CACNA1E: variants seen among roughly 807,000 people sequenced by gnomAD.
CACNA1E encodes voltage-dependent R-type calcium channel subunit alpha-1E.
Under a neutral mutation model 259.2 loss-of-function variants are expected in CACNA1E, and 40 were observed. The observed-to-expected ratio is 0.15, with a 90% CI of 0.12 to 0.20. CACNA1E has a LOEUF of 0.20. Ranked by LOEUF, CACNA1E falls within the 10% of genes least tolerant of loss-of-function variation. CACNA1E has a pLI of 1.00. For synonymous variants in CACNA1E, 1,104 were observed against 1,138.5 expected (o/e 0.97, Z 0.61); for missense variants, 1,874 against 3,040.1 (o/e 0.62, Z 9.02).
At chr1:181,774,681 T>G (rs1659817597) in intron 37 of CACNA1E, among the ~76,000 whole-genome samples, 1 of 152,220 alleles carries the variant, frequency 6.6e-6, no homozygotes, top group African/African-American at 2.4e-5. Flanking sequence ...GTCTGGCTGT[T>G]AGGTATGACC....
chr1:181,743,676 T>A (rs1315335179), intron 25 of CACNA1E, among the ~76,000 whole-genome samples: 2 of 152,168 alleles, frequency 1.3e-5, no homozygotes, highest in Non-Finnish European at 2.9e-5. Context: ...AGGACACCTG[T>A]GCGTGTGTGT....
At chr1:181,781,371 C>A (rs1224334300) in intron 38 of CACNA1E, 56 bp from the exon 39 acceptor site, 1 of 794,892 alleles carries the variant, frequency 1.3e-6, no homozygotes, top group East Asian at 2.7e-5. Context: ...CCTTTCCCTG[C>A]CACCCCACTG....
At chr1:181,481,370 A>ACT (rs71297870), upstream of CACNA1E, among the ~76,000 whole-genome samples, 19 of 146,812 alleles carry the variant, frequency 1.3e-4, no homozygotes, top group East Asian at 5.9e-4. Context: ...ACACACACAC[A>ACT]CTCTCACATA....
intron 3 of CACNA1E, among the ~76,000 whole-genome samples, chr1:181,543,211 A>G (rs1668729710): frequency 6.6e-6 from 1 of 152,146 alleles, no homozygotes; most frequent in Admixed American, 6.5e-5. Context: ...GTAGGGCTTG[A>G]AAATTTGCAT....
chr1:181,736,233 T>A (rs375103272), intron 21 of CACNA1E, 42 bp from the exon 22 acceptor site: 3 of 1,545,120 alleles, frequency 1.9e-6, no homozygotes, highest in South Asian at 2.4e-5. Flanking sequence ...CATTTTCACA[T>A]GCCTCATGAT....
At chr1:181,748,860 G>A (rs906610549) in intron 25 of CACNA1E, among the ~76,000 whole-genome samples, 1 of 152,304 alleles carries the variant, frequency 6.6e-6, no homozygotes, top group Admixed American at 6.5e-5. Flanking sequence ...CCAGTATGCA[G>A]AACAGTGCCT....
At chr1:181,770,831 T>G (rs1659438684) in intron 35 of CACNA1E, among the ~76,000 whole-genome samples, 1 of 152,184 alleles carries the variant, frequency 6.6e-6, no homozygotes, top group African/African-American at 2.4e-5. Flanking sequence ...GGGTGGCATC[T>G]GCCCAAGCCA....
chr1:181,767,581 C>T (rs1160479124), intron 35 of CACNA1E, among the ~76,000 whole-genome samples: 1 of 152,206 alleles, frequency 6.6e-6, no homozygotes, highest in African/African-American at 2.4e-5. Flanking sequence ...GTGTCTGCAG[C>T]CTTTTCCAGA....
intron 1 of CACNA1E, among the ~76,000 whole-genome samples, chr1:181,355,194 A>G (rs1653330934): frequency 6.6e-6 from 1 of 152,176 alleles, no homozygotes; most frequent in Non-Finnish European, 1.5e-5. Flanking sequence ...GGGAGACCCA[A>G]AGCAAACTCT....
chr1:181,632,406 G>T (rs931773258), intron 6 of CACNA1E, among the ~76,000 whole-genome samples: 11 of 152,330 alleles, frequency 7.2e-5, no homozygotes, highest in African/African-American at 2.4e-4. Context: ...AAGGCATGGG[G>T]TGGGAGCAGG....
rs762359465 is a variant in CACNA1E, at chr1:181,794,987, C to T, written c.6151C>T (p.Arg2051Cys). The change falls in exon 46 of 48, where the codon CGC becomes TGC. Residue 2051 changes from arginine (R) to cysteine (C), a missense_variant. Physicochemically the swap from Arg to Cys is radical, Grantham distance 180. Coordinates refer to ENST00000367573, the MANE Select transcript of CACNA1E (RefSeq NM_001205293.3). Reference protein sequence around the residue: ...RSSENTYKSRRRSYHSSLRLS... With the variant: ...RSSENTYKSRCRSYHSSLRLS... ...CAGTGAAAATACCTACAAGTCCCGT[C>T]GCCGGAGTTACCACTCCTCCTTGCG... 1.9e-6 allele frequency: 3 copies of T among 1,613,868 alleles called. No individual in the cohort carries two copies. The highest frequency in any genetic ancestry group is 1.3e-5 in the African/African-American group (1 of 74,914).
At chr1:181,509,029 G>T (rs182636425) in intron 1 of CACNA1E, among the ~76,000 whole-genome samples, 189 of 152,256 alleles carry the variant, frequency 1.2e-3, no homozygotes, top group Non-Finnish European at 2.4e-3. Context: ...AAGGAACGAT[G>T]GTGGTCAGCT....
intron 1 of CACNA1E, among the ~76,000 whole-genome samples, chr1:181,407,673 G>A (rs1040529431): frequency 3.3e-5 from 5 of 152,124 alleles, no homozygotes; most frequent in Non-Finnish European, 7.4e-5. Flanking sequence ...TTTCAGTCAG[G>A]TAGCAGGCTG....
intron 7 of CACNA1E, among the ~76,000 whole-genome samples, chr1:181,673,965 T>G (rs1649083803): frequency 6.6e-6 from 1 of 152,138 alleles, no homozygotes; most frequent in African/African-American, 2.4e-5. Flanking sequence ...TTATTATTGT[T>G]CAGTTCCCCA....
At chr1:181,695,797 A>C (rs988715158) in intron 7 of CACNA1E, among the ~76,000 whole-genome samples, 1 of 152,194 alleles carries the variant, frequency 6.6e-6, no homozygotes, top group Non-Finnish European at 1.5e-5. Context: ...TCTACAAAAA[A>C]TACAAAAATA....
chr1:181,514,314 T>C (rs12076825), intron 3 of CACNA1E, among the ~76,000 whole-genome samples: 1 of 152,050 alleles, frequency 6.6e-6, no homozygotes, highest in Non-Finnish European at 1.5e-5. Context: ...CTTACAATTG[T>C]TGGGGTTGTA....
rs1030960143 is a variant in CACNA1E at position 181,327,364 on chromosome 1, C to T, written c.-15+9241C>T. ...CCTCTCAGAGAAAGCAGGGAGTTGACGGAAGGCAGTAATACTACGGAGTGT... is the reference window on the plus strand; with the variant it reads ...CCTCTCAGAGAAAGCAGGGAGTTGATGGAAGGCAGTAATACTACGGAGTGT... On this transcript the variant is annotated intron_variant, in intron 1 of 11. Transcript: ENST00000524607. Among the ~76,000 whole-genome samples, 9 of 152,088 alleles carry T rather than the reference C, an allele frequency of 5.9e-5. No homozygotes were observed. The South Asian group carries it at 1.0e-3, about 18-fold the overall frequency.
intron 2 of CACNA1E, among the ~76,000 whole-genome samples, chr1:181,415,014 T>C (rs866695603): frequency 5.9e-5 from 9 of 152,222 alleles, no homozygotes; most frequent in African/African-American, 2.2e-4. Flanking sequence ...AGTCACCTCA[T>C]CATGACTTCG....
intron 6 of CACNA1E, among the ~76,000 whole-genome samples, chr1:181,647,784 G>A (rs1054193130): frequency 2.6e-5 from 4 of 152,252 alleles, no homozygotes; most frequent in South Asian, 2.1e-4. Flanking sequence ...GCTTCCTGCC[G>A]AGGTGTGTCC....
Sources: gnomAD v4.1 joint callset for allele counts (sites outside exome capture counted in the v4.1 genomes callset) on GRCh38, gnomAD v4.1.1 for gene constraint, MANE v1.5 for transcripts, NCBI Gene and HGNC (gene_info 2026-07-23, HGNC 2026-07-21) for gene names.